Variants in ZCCHC7 observed in about 807,000 individuals in gnomAD.
The protein encoded by ZCCHC7 is zinc finger CCHC-type containing 7.
Under a neutral mutation model 52.0 loss-of-function variants are expected in ZCCHC7, and 35 were observed. The observed-to-expected ratio is 0.67, with a 90% CI of 0.51 to 0.89. The LOEUF (loss-of-function observed/expected upper bound fraction) is 0.89. Ranked by LOEUF, ZCCHC7 falls within the 40% of genes least tolerant of loss-of-function variation. The pLI, the probability that ZCCHC7 is intolerant of heterozygous loss-of-function variation, is 0.00. For missense variants in ZCCHC7, 574 were observed against 649.1 expected (o/e 0.88, Z 1.26); for synonymous variants, 217 against 221.5 (o/e 0.98, Z 0.18).
intron 2 of ZCCHC7, among the ~76,000 whole-genome samples, chr9:37,190,750 G>T (rs1822973178): frequency 6.6e-6 from 1 of 152,196 alleles, no homozygotes; most frequent in South Asian, 2.1e-4. Context: ...GGGCACGGTG[G>T]CTCACGCCTG....
chr9:37,332,415 G>A (rs148135872), intron 6 of ZCCHC7, among the ~76,000 whole-genome samples: 5 of 151,328 alleles, frequency 3.3e-5, no homozygotes, highest in Non-Finnish European at 7.4e-5. Flanking sequence ...TAACAGAGAT[G>A]GAAAATACAT....
chr9:37,175,832 C>T (rs1821994104), intron 2 of ZCCHC7, among the ~76,000 whole-genome samples: 1 of 152,172 alleles, frequency 6.6e-6, no homozygotes, highest in Non-Finnish European at 1.5e-5. Context: ...GTCTGTCTTG[C>T]AGACCATATG....
intron 2 of ZCCHC7, among the ~76,000 whole-genome samples, chr9:37,247,936 T>A (rs1340907528): frequency 6.6e-6 from 1 of 151,622 alleles, no homozygotes; most frequent in Admixed American, 6.6e-5. Context: ...ATAATAATAA[T>A]AATAAAGCTG....
intron 2 of ZCCHC7, among the ~76,000 whole-genome samples, chr9:37,211,507 A>AT (rs139339636): frequency 0.051 from 7,716 of 151,654 alleles, 641 homozygotes; most frequent in African/African-American, 0.17. Context: ...CACACTAGAG[A>AT]TTTTTTTTTA....
At chr9:37,144,506 TA>T (rs1396974300) in intron 2 of ZCCHC7, among the ~76,000 whole-genome samples, 2 of 152,002 alleles carry the variant, frequency 1.3e-5, no homozygotes, top group East Asian at 3.8e-4. Flanking sequence ...TCTTTTGTGA[TA>T]AATCTAGAAA....
At chr9:37,321,224 G>A (rs967118854) in intron 5 of ZCCHC7, among the ~76,000 whole-genome samples, 3 of 151,778 alleles carry the variant, frequency 2.0e-5, no homozygotes, top group South Asian at 2.1e-4. Context: ...TCCTGACCTC[G>A]TGATCCACCC....
intron 2 of ZCCHC7, among the ~76,000 whole-genome samples, chr9:37,174,655 T>C (rs184860347): frequency 1.8e-3 from 272 of 152,354 alleles, no homozygotes; most frequent in Admixed American, 5.8e-3. Flanking sequence ...ACTTCTTATG[T>C]CATTCCTAGT....
intron 2 of ZCCHC7, among the ~76,000 whole-genome samples, chr9:37,299,724 T>C (rs1465990712): frequency 6.6e-6 from 1 of 152,258 alleles, no homozygotes; most frequent in East Asian, 1.9e-4. Flanking sequence ...TTCCTGGTGA[T>C]GTCTTTGCTT....
chr9:37,218,111 A>G (rs1824607645), intron 2 of ZCCHC7, among the ~76,000 whole-genome samples: 1 of 152,194 alleles, frequency 6.6e-6, no homozygotes, highest in Non-Finnish European at 1.5e-5. Flanking sequence ...TAAATTCCTA[A>G]TTATGGTTTC....
At chr9:37,174,598 A>G (rs1821917118) in intron 2 of ZCCHC7, among the ~76,000 whole-genome samples, 1 of 152,224 alleles carries the variant, frequency 6.6e-6, no homozygotes, top group East Asian at 1.9e-4. Context: ...AATTTGAATA[A>G]GAATGTTATA....
chr9:37,305,789 A>G lies in ZCCHC7; in HGVS notation c.951+75A>G, dbSNP rs1401385110. ...AAGTTTGTAATTAATGTGCAAGTTTATAACTATCAGTCAGCATACCTAAAG... is the reference window on the plus strand; with the variant it reads ...AAGTTTGTAATTAATGTGCAAGTTTGTAACTATCAGTCAGCATACCTAAAG... On this transcript the variant is annotated intron_variant, in intron 5 of 8. Transcript: ENST00000336755. The G allele has an allele frequency of 3.3e-6, 5 of 1,517,200 alleles. No homozygotes were observed. In the Admixed American group the frequency reaches 8.6e-5, roughly 26 times the overall value. The allele number at this position is 1,517,200 out of a possible 1,614,324, so 94.0% of individuals were successfully genotyped here.
chr9:37,177,458 GT>G (rs1178100361), intron 2 of ZCCHC7, among the ~76,000 whole-genome samples: 1 of 152,172 alleles, frequency 6.6e-6, no homozygotes, highest in Non-Finnish European at 1.5e-5. Context: ...AGTGTGGAAA[GT>G]ACAGCTGGGT....
At chr9:37,210,524 C>A (rs971017206) in intron 2 of ZCCHC7, among the ~76,000 whole-genome samples, 7 of 152,056 alleles carry the variant, frequency 4.6e-5, no homozygotes, top group Non-Finnish European at 8.8e-5. Context: ...TAATAATGAA[C>A]AAGGTTTATT....
chr9:37,267,608 C>T (rs1463525231), intron 2 of ZCCHC7, among the ~76,000 whole-genome samples: 2 of 139,002 alleles, frequency 1.4e-5, no homozygotes, highest in African/African-American at 2.7e-5. Flanking sequence ...CTCGCTCTGT[C>T]ACCCAGGCTG....
intron 5 of ZCCHC7, among the ~76,000 whole-genome samples, chr9:37,319,907 T>A (rs1339371693): frequency 6.6e-6 from 1 of 152,232 alleles, no homozygotes; most frequent in African/African-American, 2.4e-5. Flanking sequence ...TCAACTGAAT[T>A]GATTTTGCAT....
chr9:37,185,090 A>G (rs900236299), intron 2 of ZCCHC7, among the ~76,000 whole-genome samples: 2 of 152,238 alleles, frequency 1.3e-5, no homozygotes, highest in South Asian at 2.1e-4. Context: ...TCGAAACTAA[A>G]CATATTATTT....
intron 2 of ZCCHC7, among the ~76,000 whole-genome samples, chr9:37,210,611 T>G (rs1824165880): frequency 6.6e-6 from 1 of 152,244 alleles, no homozygotes; most frequent in East Asian, 1.9e-4. Context: ...TGATATCTAC[T>G]AAATATAACT....
rs536008073 is a variant in ZCCHC7, at chr9:37,280,442, C to G, written c.611-21746C>G. Among the ~76,000 whole-genome samples the G allele has an allele frequency of 1.3e-4, 20 of 152,234 alleles. No homozygotes were observed. In the South Asian group the frequency reaches 4.1e-3, roughly 32 times the overall value. On this transcript the variant is annotated intron_variant, in intron 2 of 8. Coordinates refer to ENST00000336755, the MANE Select transcript of ZCCHC7 (RefSeq NM_032226.3). ...ATCCAATAATTATAGAATATGCATTCTTTTCCAGTATACATTCAGCAAGAT... is the reference window on the plus strand; with the variant it reads ...ATCCAATAATTATAGAATATGCATTGTTTTCCAGTATACATTCAGCAAGAT...
intron 2 of ZCCHC7, among the ~76,000 whole-genome samples, chr9:37,272,565 A>G (rs549957747): frequency 3.3e-4 from 50 of 150,950 alleles, no homozygotes; most frequent in African/African-American, 1.2e-3. Context: ...TCTCCACCAC[A>G]TACTTCATTC....
Sources: allele counts gnomAD v4.1 joint callset (sites outside exome capture counted in the v4.1 genomes callset), GRCh38; gene constraint gnomAD v4.1.1; transcripts MANE v1.5; gene names NCBI Gene and HGNC (gene_info 2026-07-23, HGNC 2026-07-21).